The following CARMIL1 variants were observed in gnomAD, a reference collection of about 807,000 sequenced individuals.
The protein encoded by CARMIL1 is F-actin-uncapping protein LRRC16A.
Under a neutral mutation model 177.1 loss-of-function variants are expected in CARMIL1, and 90 were observed. That is an observed-to-expected ratio of 0.51 (90% CI 0.43 to 0.61). CARMIL1 has a LOEUF of 0.61. CARMIL1 is among the 20% of genes least tolerant of loss of function. CARMIL1 has a pLI of 0.00. For synonymous variants in CARMIL1, 577 were observed against 606.2 expected (o/e 0.95, Z 0.71); for missense variants, 1,380 against 1,667.0 (o/e 0.83, Z 3.00).
intron 2 of CARMIL1, among the ~76,000 whole-genome samples, chr6:25,410,242 G>A (rs973741831): frequency 6.6e-6 from 1 of 152,142 alleles, no homozygotes; most frequent in African/African-American, 2.4e-5. Context: ...TGTTTCCTTG[G>A]CTTGAGAAGA....
At chr6:25,601,024 C>A (rs1157726412) in intron 33 of CARMIL1, among the ~76,000 whole-genome samples, 4 of 152,256 alleles carry the variant, frequency 2.6e-5, no homozygotes, top group Non-Finnish European at 5.9e-5. Flanking sequence ...TTCATCTCCC[C>A]CCATGTCCCC....
chr6:25,308,582 C>A (rs537911948), intron 2 of CARMIL1, among the ~76,000 whole-genome samples: 60 of 152,080 alleles, frequency 3.9e-4, no homozygotes, highest in African/African-American at 1.4e-3. Flanking sequence ...GGGGTTTCAC[C>A]TTGTTGGCCA....
rs189582669 is a variant in CARMIL1 at position 25,372,119 on chromosome 6, C to T, written c.139-47995C>T. Among the ~76,000 whole-genome samples, 14 of 152,220 alleles carry T rather than the reference C, an allele frequency of 9.2e-5. 1 individual carries two copies. In the East Asian group the frequency reaches 2.5e-3, roughly 27 times the overall value. ...TCTGTTACATTGGTCTATGTATCTA[C>T]TTTTATACCTATACCGTGCTGTTTT... is the stretch of plus-strand genomic sequence containing the variant. On this transcript the variant is annotated intron_variant, in intron 2 of 36. Transcript: ENST00000329474.
chr6:25,537,832 T>C, intron 24 of CARMIL1, 23 bp from the exon 25 acceptor site: 1 of 1,609,750 alleles, frequency 6.2e-7, no homozygotes, highest in South Asian at 1.1e-5. Flanking sequence ...CTTGGATGCT[T>C]GCCTTTTTCT....
Position 25,509,268 on chromosome 6 carries a change from G to T in CARMIL1, c.1396-388G>T, listed in dbSNP as rs779298237. Among the ~76,000 whole-genome samples, 6 of 152,036 alleles carry T rather than the reference G, an allele frequency of 3.9e-5. No individual in the cohort carries two copies. The highest frequency in any genetic ancestry group is 7.4e-5 in the Non-Finnish European group (5 of 68,002). ...GGTGGAGAGTTTACACCTTGGAATC[G>T]GTAACAGTCAAATAAAACAGTAACT... On this transcript the variant is annotated intron_variant, in intron 17 of 36. Coordinates refer to ENST00000329474, the MANE Select transcript of CARMIL1 (RefSeq NM_017640.6). This position sits in a 1 kb window ranked among gnomAD's most constrained non-coding sequence, Gnocchi z 4.1.
chr6:25,296,023 A>G (rs553763431), intron 2 of CARMIL1, among the ~76,000 whole-genome samples: 1 of 152,382 alleles, frequency 6.6e-6, no homozygotes, highest in South Asian at 2.1e-4. Context: ...AACAAGAACC[A>G]TAAGCTAATA....
intron 2 of CARMIL1, among the ~76,000 whole-genome samples, chr6:25,304,130 G>A (rs965800848): frequency 2.0e-5 from 3 of 152,234 alleles, no homozygotes; most frequent in Admixed American, 6.5e-5. Flanking sequence ...CATGGGAGGG[G>A]ACATCACAGA....
chr6:25,381,945 T>G (rs1791592831), intron 2 of CARMIL1, among the ~76,000 whole-genome samples: 1 of 152,074 alleles, frequency 6.6e-6, no homozygotes, highest in Non-Finnish European at 1.5e-5. Flanking sequence ...CCTGAAGCTC[T>G]CTAGGGGCCC....
intron 29 of CARMIL1, among the ~76,000 whole-genome samples, chr6:25,557,768 A>T (rs895191031): frequency 6.6e-6 from 1 of 152,172 alleles, no homozygotes; most frequent in Non-Finnish European, 1.5e-5. Context: ...TATGGCCGAT[A>T]TTACTTTTCT....
chr6:25,360,815 T>C (rs1789122493), intron 2 of CARMIL1, among the ~76,000 whole-genome samples: 1 of 152,312 alleles, frequency 6.6e-6, no homozygotes, highest in Non-Finnish European at 1.5e-5. Flanking sequence ...ATGAATATGC[T>C]GACAGCCATA....
At chr6:25,451,986 G>GCTC in intron 8 of CARMIL1, 10 of 112,664 alleles carry the variant, frequency 8.9e-5, no homozygotes, top group South Asian at 1.4e-4. Context: ...CTAGCATCTT[G>GCTC]CCCCCCCCTC....
intron 2 of CARMIL1, among the ~76,000 whole-genome samples, chr6:25,340,544 C>T (rs904444611): frequency 6.6e-6 from 1 of 152,056 alleles, no homozygotes; most frequent in Admixed American, 6.6e-5. Flanking sequence ...TACATAATGC[C>T]CAGATAGGCC....
chr6:25,450,296 C>T, intron 6 of CARMIL1, 43 bp from the exon 7 acceptor site: 3 of 1,382,664 alleles, frequency 2.2e-6, no homozygotes, highest in Non-Finnish European at 3.1e-6. Flanking sequence ...ATTTAAACAT[C>T]ATTTTGCCAA....
intron 29 of CARMIL1, among the ~76,000 whole-genome samples, chr6:25,564,195 G>A (rs1336381735): frequency 1.3e-5 from 2 of 152,044 alleles, no homozygotes; most frequent in Admixed American, 6.5e-5. Context: ...TCTCTACCTG[G>A]TGTGTTTCAA....
intron 33 of CARMIL1, among the ~76,000 whole-genome samples, chr6:25,602,127 A>G (rs368113566): frequency 6.6e-6 from 1 of 152,210 alleles, no homozygotes; most frequent in Admixed American, 6.5e-5. Context: ...TCTTACAACT[A>G]TTTACCAAAG....
chr6:25,316,701 C>T (rs59228126), intron 2 of CARMIL1, among the ~76,000 whole-genome samples: 7,883 of 152,076 alleles, frequency 0.052, 660 homozygotes, highest in African/African-American at 0.18. Context: ...TGAGCCACCA[C>T]GCCGGGCCAT....
chr6:25,512,991 G>T (rs1318990050), intron 20 of CARMIL1, among the ~76,000 whole-genome samples: 1 of 152,124 alleles, frequency 6.6e-6, no homozygotes, highest in Non-Finnish European at 1.5e-5. Context: ...AATCAAGAAG[G>T]GATGACCTTA....
chr6:25,437,305 A>G (rs1274922562), intron 5 of CARMIL1, among the ~76,000 whole-genome samples: 2 of 152,236 alleles, frequency 1.3e-5, no homozygotes, highest in East Asian at 1.9e-4. Flanking sequence ...TAGAATCTCT[A>G]TTTTCTTTAA....
chr6:25,431,913 C>T (rs1222649816), intron 4 of CARMIL1, among the ~76,000 whole-genome samples: 1 of 152,128 alleles, frequency 6.6e-6, no homozygotes, highest in Non-Finnish European at 1.5e-5. Flanking sequence ...TGAACATTGG[C>T]ACTGCTTCTG....
Sources: gnomAD v4.1 joint callset for allele counts (sites outside exome capture counted in the v4.1 genomes callset) on GRCh38, gnomAD v4.1.1 for gene constraint, Gnocchi (gnomAD v3.1) non-coding constraint, MANE v1.5 for transcripts, NCBI Gene and HGNC (gene_info 2026-07-23, HGNC 2026-07-21) for gene names.